TCF20: variants seen among roughly 807,000 people sequenced by gnomAD.
TCF20 encodes SPRE-binding protein.
In TCF20, 3 loss-of-function variants were observed where a neutral mutation model predicts 148.6. The observed-to-expected ratio is 0.02, with a 90% CI of 0.01 to 0.05. TCF20 has a LOEUF of 0.05. Among genes scored for constraint, TCF20 ranks in the 10% least tolerant of loss-of-function variants. The pLI is 1.00. For synonymous variants in TCF20, 1,049 were observed against 909.5 expected, an observed-to-expected ratio of 1.15 and a Z score of -2.76; for missense variants, 2,350 against 2,429.3, an observed-to-expected ratio of 0.97 and a Z score of 0.69.
chr22:42,267,911 C>G (rs142285549), intron 1 of TCF20, among the ~76,000 whole-genome samples: 110 of 152,316 alleles, frequency 7.2e-4, no homozygotes, highest in African/African-American at 2.6e-3. Context: ...TTTGGGAAGT[C>G]AAGGCAGGCG....
intron 1 of TCF20, among the ~76,000 whole-genome samples, chr22:42,328,602 C>T (rs2147056512): frequency 6.6e-6 from 1 of 152,338 alleles, no homozygotes; most frequent in East Asian, 1.9e-4. Flanking sequence ...CCCTGGCTCA[C>T]CTCCCACTCA....
chr22:42,201,594 C>G (rs1938025806), intron 2 of TCF20, among the ~76,000 whole-genome samples: 2 of 151,882 alleles, frequency 1.3e-5, no homozygotes, highest in South Asian at 4.1e-4. Flanking sequence ...ATGGTGAAAC[C>G]CCGTCTCTAC....
intron 1 of TCF20, among the ~76,000 whole-genome samples, chr22:42,219,765 A>G (rs562928919): frequency 3.9e-5 from 6 of 152,174 alleles, no homozygotes; most frequent in African/African-American, 1.2e-4. Context: ...CTGAGGCAGG[A>G]GGATCGCCTG....
chr22:42,306,070 C>T (rs1927426470), intron 1 of TCF20, among the ~76,000 whole-genome samples: 1 of 152,226 alleles, frequency 6.6e-6, no homozygotes, highest in Admixed American at 6.5e-5. Context: ...GAAAAACCTC[C>T]TGCCTCTGCG....
At chr22:42,313,940 G>C (rs1927583356) in intron 1 of TCF20, among the ~76,000 whole-genome samples, 1 of 152,232 alleles carries the variant, frequency 6.6e-6, no homozygotes, top group African/African-American at 2.4e-5. Flanking sequence ...TGCCCCGGCT[G>C]TTCCCGCTGC....
In TCF20 at chr22:42,202,745, T is replaced by C. The variant is rs1601577680; in HGVS notation, c.5655+6906A>G. Among the ~76,000 whole-genome samples the C allele has an allele frequency of 2.6e-5, 4 of 152,338 alleles. No individual in the cohort carries two copies. The South Asian group carries it at 8.3e-4, about 32-fold the overall frequency. ...ACAGTATTGGATGAAGCAAGCCGTA[T>C]CTTTTGGAAAAATCGAAGCCCTAGT... On this transcript the variant is annotated intron_variant, in intron 2 of 5. Transcript: ENST00000677622.
At chr22:42,221,739 G>GTTTTTTTTTTT (rs59283483) in intron 1 of TCF20, among the ~76,000 whole-genome samples, 17,549 of 92,134 alleles carry the variant, frequency 0.19, 3,625 homozygotes, top group African/African-American at 0.3. Context: ...ATGGCAAAGG[G>GTTTTTTTTTTT]TTTTTTTTTT....
intron 1 of TCF20, among the ~76,000 whole-genome samples, chr22:42,321,214 C>T (rs529533753): frequency 5.7e-4 from 86 of 152,188 alleles, no homozygotes; most frequent in South Asian, 8.3e-4. Context: ...TCCAGACAGG[C>T]GGCACTTCAG....
At chr22:42,251,490 G>GTTTTT (rs1269590672) in intron 1 of TCF20, among the ~76,000 whole-genome samples, 1 of 77,446 alleles carries the variant, frequency 1.3e-5, no homozygotes, top group East Asian at 4.4e-4. Context: ...CCAAACAAGT[G>GTTTTT]TCTTTTTTTT....
chr22:42,273,968 G>A (rs951567244), upstream of TCF20: 3 of 152,740 alleles, frequency 2.0e-5, no homozygotes, highest in African/African-American at 7.2e-5. Context: ...TCAGTGACTT[G>A]TGCGAAGTGA....
At chr22:42,215,587 C>T (rs1041531930) in intron 1 of TCF20, 66 of 449,232 alleles carry the variant, frequency 1.5e-4, no homozygotes, top group Admixed American at 6.4e-4. Flanking sequence ...TCTCTTGCCT[C>T]AGCCTCCCGA....
rs189383969 is a variant in TCF20 at position 42,233,440 on chromosome 22, C to T, written c.-36-18099G>A. On this transcript the variant is annotated intron_variant, in intron 1 of 5. Coordinates refer to ENST00000677622, the MANE Select transcript of TCF20 (RefSeq NM_001378418.1). ...TATTCCCAGCACACCCAGCAGGCAC[C>T]TTCTGCACCTTTTCGTTTGTTCAGC... Among the ~76,000 whole-genome samples, 13 of 152,326 alleles carry T rather than the reference C, an allele frequency of 8.5e-5. No individual in the cohort carries two copies. The East Asian group carries it at 2.5e-3, about 29-fold the overall frequency.
intron 1 of TCF20, among the ~76,000 whole-genome samples, chr22:42,320,374 G>A (rs1166782727): frequency 2.0e-5 from 3 of 152,176 alleles, no homozygotes; most frequent in Non-Finnish European, 4.4e-5. Context: ...AAATGGGCAC[G>A]ATGACCCTCA....
At chr22:42,307,832 G>T (rs1425632710) in intron 1 of TCF20, among the ~76,000 whole-genome samples, 1 of 152,128 alleles carries the variant, frequency 6.6e-6, no homozygotes, top group African/African-American at 2.4e-5. Flanking sequence ...CTCCGGTCAG[G>T]TCCCTCAGAC....
intron 2 of TCF20, among the ~76,000 whole-genome samples, chr22:42,195,338 T>C (rs1937536623): frequency 6.6e-6 from 1 of 151,814 alleles, no homozygotes; most frequent in Admixed American, 6.6e-5. Context: ...AAATTAAGAA[T>C]GCTGCTGGTC....
Position 42,299,476 on chromosome 22 carries a change from A to T in TCF20, c.-37+44003T>A, listed in dbSNP as rs776783832. 1.6e-4 allele frequency among the ~76,000 whole-genome samples: 24 copies of T among 152,224 alleles called. No homozygotes were observed. The highest frequency in any genetic ancestry group is 2.6e-4 in the Non-Finnish European group (18 of 68,038). ...TGGGGCCTCAATTTCCCCCAGGACA[A>T]AGGGGCCTCAAGGCCTCATGAACAG... On this transcript the variant is annotated intron_variant, in intron 1 of 1. Coordinates refer to the TCF20 transcript ENST00000515426. The surrounding 1 kb of genome is among the most constrained non-coding windows in gnomAD (Gnocchi z 4.1).
rs773419125 is a variant in TCF20, at chr22:42,297,030, A to G, written c.-37+46449T>C. On this transcript the variant is annotated intron_variant, in intron 1 of 1. Transcript: ENST00000515426. This position sits in a 1 kb window ranked among gnomAD's most constrained non-coding sequence, Gnocchi z 4.3. ...CTCTACAGATGTGGCAACTGAGTTC[A>G]GAGAGGTGCAGTAACCCACCCAGAA... 2.8e-4 allele frequency among the ~76,000 whole-genome samples: 43 copies of G among 152,214 alleles called. No individual in the cohort carries two copies. The highest frequency in any genetic ancestry group is 5.9e-4 in the Non-Finnish European group (40 of 68,028).
At chr22:42,204,738 G>A (rs961114828) in intron 2 of TCF20, among the ~76,000 whole-genome samples, 1 of 152,012 alleles carries the variant, frequency 6.6e-6, no homozygotes, top group Non-Finnish European at 1.5e-5. Flanking sequence ...CCAGTTACTT[G>A]GGAGGCTGAG....
chr22:42,209,629 G>A, intron 2 of TCF20, 22 bp downstream of exon 2: 1 of 1,562,474 alleles, frequency 6.4e-7, no homozygotes. Flanking sequence ...TCCCAAGCTG[G>A]TAAGAGATTT....
Sources: allele counts gnomAD v4.1 joint callset (sites outside exome capture counted in the v4.1 genomes callset), GRCh38; gene constraint gnomAD v4.1.1; non-coding constraint Gnocchi (gnomAD v3.1); transcripts MANE v1.5; gene names NCBI Gene and HGNC (gene_info 2026-07-23, HGNC 2026-07-21).